Variants in SLC25A40 observed in about 807,000 individuals in gnomAD.
The protein encoded by SLC25A40 is mitochondrial glutathione transporter SLC25A40.
Under a neutral mutation model 46.5 loss-of-function variants are expected in SLC25A40, and 41 were observed. The ratio of observed to expected loss-of-function variants is 0.88; its 90% CI spans 0.69 to 1.14. SLC25A40 has a LOEUF of 1.14. Ranked by LOEUF, SLC25A40 falls within the 50% of genes most tolerant of loss-of-function variation. The pLI is 0.00. For missense variants in SLC25A40, 386 were observed against 393.6 expected (o/e 0.98, Z 0.16); for synonymous variants, 126 against 127.5 (o/e 0.99, Z 0.08).
rs554749591 is a variant in SLC25A40 at position 87,835,656 on chromosome 7, A to G, written c.*593T>C. 10 of 151,760 alleles carry G rather than the reference A, an allele frequency of 6.6e-5. No individual in the cohort carries two copies. Among genetic ancestry groups the G allele is most frequent in the African/African-American group, 2.4e-4 (10 of 41,518 alleles). The allele number at this position is 151,760 out of a possible 1,614,324, so 9.4% of individuals were successfully genotyped here. On this transcript the variant is annotated 3_prime_UTR_variant, in exon 12 of 12. Coordinates refer to ENST00000341119, the MANE Select transcript of SLC25A40 (RefSeq NM_018843.4). ...ATGGTTCATAAGGAAAACAGCCACA[A>G]TTTTGATCAGAGAAATGTTAATACA...
intron 1 of SLC25A40, among the ~76,000 whole-genome samples, chr7:87,868,552 A>G (rs1210519310): frequency 6.6e-6 from 1 of 152,156 alleles, no homozygotes; most frequent in Non-Finnish European, 1.5e-5. Flanking sequence ...GGGTTCCCAC[A>G]ACTCCCTCTT....
chr7:87,862,844 C>T (rs1417792166), intron 1 of SLC25A40, among the ~76,000 whole-genome samples: 1 of 152,140 alleles, frequency 6.6e-6, no homozygotes, highest in Non-Finnish European at 1.5e-5. Flanking sequence ...TGCAGGGAAA[C>T]TCCCCTTAAT....
chr7:87,857,625 T>C (rs964399063), intron 3 of SLC25A40, among the ~76,000 whole-genome samples: 1 of 152,232 alleles, frequency 6.6e-6, no homozygotes, highest in Non-Finnish European at 1.5e-5. Context: ...AATAATACTT[T>C]CATAATTTCT....
intron 4 of SLC25A40, among the ~76,000 whole-genome samples, chr7:87,855,844 C>T (rs918420637): frequency 1.3e-5 from 2 of 152,138 alleles, no homozygotes; most frequent in Non-Finnish European, 2.9e-5. Context: ...TATAAAAATA[C>T]ATCATTATTT....
intron 1 of SLC25A40, among the ~76,000 whole-genome samples, chr7:87,874,158 G>C (rs1258917211): frequency 6.6e-6 from 1 of 152,116 alleles, no homozygotes; most frequent in Non-Finnish European, 1.5e-5. Flanking sequence ...ACTAACTATT[G>C]CATAAAGCGG....
intron 9 of SLC25A40, 26 bp from the exon 10 acceptor site, chr7:87,841,740 TTCAA>T (rs1838339243): frequency 7.3e-7 from 1 of 1,362,178 alleles, no homozygotes; most frequent in Non-Finnish European, 9.9e-7. Context: ...ATTGATTAAT[TTCAA>T]TCAACCTGTT....
intron 10 of SLC25A40, among the ~76,000 whole-genome samples, chr7:87,838,014 GTGAT>G (rs2130994190): frequency 6.6e-6 from 1 of 151,560 alleles, no homozygotes; most frequent in Non-Finnish European, 1.5e-5. Context: ...TTAATGGAGT[GTGAT>G]TATCTCCAAA....
chr7:87,842,121 C>G (rs1301542503), intron 9 of SLC25A40: 1 of 264,298 alleles, frequency 3.8e-6, no homozygotes, highest in East Asian at 1.3e-4. Flanking sequence ...AAATTTCCAG[C>G]AAACGCTTTT....
At chr7:87,869,569 C>T (rs189101240) in intron 1 of SLC25A40, among the ~76,000 whole-genome samples, 1 of 152,068 alleles carries the variant, frequency 6.6e-6, no homozygotes, top group East Asian at 1.9e-4. Context: ...AAACCTCTCC[C>T]CTTTATTCTA....
chr7:87,867,197 G>A (rs1170869952), intron 1 of SLC25A40, among the ~76,000 whole-genome samples: 1 of 152,176 alleles, frequency 6.6e-6, no homozygotes, highest in Non-Finnish European at 1.5e-5. Flanking sequence ...CTTTGAATAA[G>A]TTTTCTACCT....
intron 10 of SLC25A40, 68 bp from the exon 11 acceptor site, chr7:87,836,878 A>T: frequency 1.1e-6 from 1 of 939,290 alleles, no homozygotes; most frequent in Admixed American, 3.2e-5. Context: ...TACAGATAAC[A>T]TAGTGTCCAT....
intron 5 of SLC25A40, among the ~76,000 whole-genome samples, chr7:87,850,979 C>T (rs1838498526): frequency 6.6e-6 from 1 of 152,224 alleles, no homozygotes; most frequent in South Asian, 2.1e-4. Context: ...GGTGTAGCTA[C>T]TTTAGAAAAT....
At chr7:87,870,926 C>A (rs1447779536) in intron 1 of SLC25A40, among the ~76,000 whole-genome samples, 4 of 152,202 alleles carry the variant, frequency 2.6e-5, no homozygotes, top group Non-Finnish European at 2.9e-5. Flanking sequence ...AAGGCCATCA[C>A]ACTGACCCTC....
chr7:87,854,426 T>C (rs2131008767), intron 4 of SLC25A40, 116 bp from the exon 5 acceptor site: 1 of 642,274 alleles, frequency 1.6e-6, no homozygotes, highest in African/African-American at 1.9e-5. Context: ...AGAGAAACAA[T>C]CTTGAAAAAG....
intron 8 of SLC25A40, among the ~76,000 whole-genome samples, chr7:87,845,313 G>A (rs1219863243): frequency 6.6e-6 from 1 of 152,136 alleles, no homozygotes; most frequent in Non-Finnish European, 1.5e-5. Flanking sequence ...GATTGGTACT[G>A]GTCTGTGTCC....
At chr7:87,874,710 T>C (rs1194509031) in intron 1 of SLC25A40, among the ~76,000 whole-genome samples, 1 of 152,242 alleles carries the variant, frequency 6.6e-6, no homozygotes, top group Non-Finnish European at 1.5e-5. Context: ...GTTCATTTAA[T>C]CTTCACAACA....
intron 5 of SLC25A40, among the ~76,000 whole-genome samples, chr7:87,852,324 G>GT (rs1471390913): frequency 6.6e-6 from 1 of 152,144 alleles, no homozygotes; most frequent in African/African-American, 2.4e-5. Flanking sequence ...TCTCACGCCG[G>GT]TATCTCAGCA....
chr7:87,851,931 A>G (rs1383287165), intron 5 of SLC25A40, among the ~76,000 whole-genome samples: 1 of 152,208 alleles, frequency 6.6e-6, no homozygotes, highest in African/African-American at 2.4e-5. Flanking sequence ...CACAACAAAG[A>G]GAAAATTTTT....
intron 6 of SLC25A40, among the ~76,000 whole-genome samples, chr7:87,848,938 A>T (rs946024345): frequency 6.6e-6 from 1 of 152,210 alleles, no homozygotes; most frequent in Non-Finnish European, 1.5e-5. Context: ...TAAATGCCTC[A>T]AATTGACTAA....
Sources: gnomAD v4.1 joint callset for allele counts (sites outside exome capture counted in the v4.1 genomes callset) on GRCh38, gnomAD v4.1.1 for gene constraint, MANE v1.5 for transcripts, NCBI Gene and HGNC (gene_info 2026-07-23, HGNC 2026-07-21) for gene names.